TMEM63A: variants seen among roughly 807,000 people sequenced by gnomAD.
The protein encoded by TMEM63A is mechanosensitive cation channel TMEM63A.
A neutral mutation model predicts 100.6 loss-of-function variants in TMEM63A; 76 were observed. The observed-to-expected ratio is 0.76, with a 90% CI of 0.63 to 0.91. The LOEUF is 0.91. Ranked by LOEUF, TMEM63A falls within the 40% of genes least tolerant of loss-of-function variation. The pLI, the probability that TMEM63A is intolerant of heterozygous loss-of-function variation, is 0.00. For synonymous variants in TMEM63A, 401 were observed against 401.1 expected, an observed-to-expected ratio of 1.00 and a Z score of 0.00; for missense variants, 876 against 1,008.8, an observed-to-expected ratio of 0.87 and a Z score of 1.78.
intron 4 of TMEM63A, among the ~76,000 whole-genome samples, chr1:225,872,551 T>C (rs142092174): frequency 6.6e-6 from 1 of 152,094 alleles, no homozygotes; most frequent in African/African-American, 2.4e-5. Context: ...TCAAAACATA[T>C]GTTTTAGAGT....
intron 5 of TMEM63A, chr1:225,871,745 G>T: frequency 1.9e-6 from 1 of 519,368 alleles, no homozygotes; most frequent in South Asian, 2.9e-5. Flanking sequence ...AGAGAGAAGT[G>T]CTGGGGAAGC....
intron 8 of TMEM63A, 84 bp from the exon 9 acceptor site, chr1:225,866,766 T>TTCAGTGCCCACTGA: frequency 3.1e-6 from 4 of 1,272,616 alleles, no homozygotes; most frequent in Non-Finnish European, 4.5e-6. Context: ...TTACCCTCAG[T>TTCAGTGCCCACTGA]GGGCACTGAA....
At chr1:225,843,557 G>A (rs1668622233), downstream of TMEM63A, among the ~76,000 whole-genome samples, 1 of 152,184 alleles carries the variant, frequency 6.6e-6, no homozygotes, top group Non-Finnish European at 1.5e-5. Flanking sequence ...GGTCTGGCCT[G>A]CTCCTTGCAC....
chr1:225,876,727 C>T (rs1478098658), intron 3 of TMEM63A, among the ~76,000 whole-genome samples: 1 of 151,742 alleles, frequency 6.6e-6, no homozygotes, highest in African/African-American at 2.4e-5. Flanking sequence ...CGGCTCATTG[C>T]AACTCTGCCT....
chr1:225,880,595 GA>G, intron 1 of TMEM63A, among the ~76,000 whole-genome samples: 1 of 152,248 alleles, frequency 6.6e-6, no homozygotes, highest in South Asian at 2.1e-4. Context: ...GTGCCTTCCA[GA>G]AATTCTCCAT....
chr1:225,850,882 T>C (rs1040204101), intron 20 of TMEM63A, among the ~76,000 whole-genome samples: 3 of 152,148 alleles, frequency 2.0e-5, no homozygotes, highest in Non-Finnish European at 4.4e-5. Context: ...CGGCTAATTT[T>C]TTATATTTTT....
chr1:225,842,924 G>A (rs1668550853), downstream of TMEM63A, among the ~76,000 whole-genome samples: 1 of 152,230 alleles, frequency 6.6e-6, no homozygotes, highest in Non-Finnish European at 1.5e-5. Context: ...TCCTCTACAT[G>A]CCTGACTCCC....
chr1:225,852,576 G>T, intron 20 of TMEM63A, 88 bp downstream of exon 20: 1 of 1,279,636 alleles, frequency 7.8e-7, no homozygotes, highest in Non-Finnish European at 1.1e-6. Context: ...ACTCCATTGT[G>T]CCCTGGTGAT....
intron 6 of TMEM63A, among the ~76,000 whole-genome samples, chr1:225,870,140 G>C (rs1000702271): frequency 7.9e-5 from 12 of 151,820 alleles, no homozygotes; most frequent in Admixed American, 2.0e-4. Context: ...ACCTGAGGTC[G>C]GGAGTTGGAG....
chr1:225,857,379 C>CGGGGGGGGGGGGGGG (rs369068747), intron 15 of TMEM63A, among the ~76,000 whole-genome samples: 19 of 112,748 alleles, frequency 1.7e-4, no homozygotes, highest in African/African-American at 6.6e-4. Flanking sequence ...TCCTGGCCGG[C>CGGGGGGGGGGGGGGG]GGGGCGGGGG....
In TMEM63A at chr1:225,853,903, C is replaced by T. The variant is rs2102826263; in HGVS notation, c.1635-112G>A. On this transcript the variant is annotated intron_variant, in intron 18 of 24. Transcript: ENST00000366835. The surrounding 1 kb of genome is among the most constrained non-coding windows in gnomAD (Gnocchi z 4.0). ...CCCCTGGGAGGGCTGTATACTCTTCCGTTCATTCAGCACATATTTGGGAAA... is the reference window on the plus strand; with the variant it reads ...CCCCTGGGAGGGCTGTATACTCTTCTGTTCATTCAGCACATATTTGGGAAA... 3 of 1,057,020 alleles carry T rather than the reference C, an allele frequency of 2.8e-6. No homozygotes were observed. Among genetic ancestry groups the T allele is most frequent in the Middle Eastern group, 2.8e-4 (1 of 3,522 alleles). The allele number at this position is 1,057,020 out of a possible 1,614,324, so 65.5% of individuals were successfully genotyped here.
At chr1:225,842,273 G>A (rs536391383), downstream of TMEM63A, 132 of 960,218 alleles carry the variant, frequency 1.4e-4, no homozygotes, top group East Asian at 2.5e-3. Context: ...ACACAGCCCC[G>A]CCCTCTGCGG....
At chr1:225,872,777 C>T (rs1234256206) in intron 4 of TMEM63A, among the ~76,000 whole-genome samples, 4 of 146,778 alleles carry the variant, frequency 2.7e-5, no homozygotes, top group Non-Finnish European at 5.9e-5. Context: ...TCACTGCAAG[C>T]TCTGCCACCC....
intron 13 of TMEM63A, chr1:225,861,941 A>C: frequency 2.0e-6 from 1 of 508,642 alleles, no homozygotes. Context: ...GCAGCAGGGA[A>C]GAGCCCAGCA....
At chr1:225,842,415 G>A (rs769384514), downstream of TMEM63A, 5 of 1,614,200 alleles carry the variant, frequency 3.1e-6, no homozygotes, top group Non-Finnish European at 4.2e-6. Flanking sequence ...ATATTCTAGA[G>A]AAGTTTTCCA....
chr1:225,847,181 G>A lies in TMEM63A; in HGVS notation c.2283C>T (p.Ala761=). The A allele has an allele frequency of 6.2e-7, 1 of 1,613,350 alleles. No homozygotes were observed. Among genetic ancestry groups the A allele is most frequent in the Non-Finnish European group, 8.5e-7 (1 of 1,179,992 alleles). The change falls in exon 24 of 25, where the codon GCC becomes GCT. Residue 761 remains alanine (A), a synonymous_variant. Transcript: ENST00000366835. The part of the protein sequence containing the change: ...PYVPRILNGL[A]SERTALSPQQ... ...GCGGAGACAGTGCTGTCCTCTCCGA[G>A]GCCAAGCCGTTCAGAATCCGAGGCA... is the stretch of plus-strand genomic sequence containing the variant.
intron 4 of TMEM63A, 104 bp downstream of exon 4, chr1:225,874,184 C>A: frequency 8.7e-7 from 1 of 1,152,488 alleles, no homozygotes; most frequent in Non-Finnish European, 1.2e-6. Context: ...CACACACACA[C>A]TATACACACA....
chr1:225,866,268 G>A (rs570242011), intron 9 of TMEM63A: 2 of 520,742 alleles, frequency 3.8e-6, no homozygotes, highest in Admixed American at 6.4e-5. Context: ...GAGGACCCAG[G>A]CCTGGAACCA....
Position 225,862,478 on chromosome 1 carries a change from A to G in TMEM63A, c.928T>C (p.Cys310Arg), listed in dbSNP as rs773599409. The G allele has an allele frequency of 6.2e-7, 1 of 1,614,100 alleles. No individual in the cohort carries two copies. Among genetic ancestry groups the G allele is most frequent in the East Asian group, 2.2e-5 (1 of 44,858 alleles). Residue 310 changes from cysteine (C) to arginine (R), a missense_variant, in exon 12 of 25, where the codon TGT becomes CGT. By Grantham distance (180) the Cys-to-Arg change is radical. This residue lies in a region of TMEM63A where 487 missense variants were observed against 581.9 expected (regional missense o/e 0.84). Transcript: ENST00000366835. This position sits in a 1 kb window ranked among gnomAD's most constrained non-coding sequence, Gnocchi z 5.1. ...NPKPCGQFCCCEVLGCEWEDA... is the reference protein window; with the variant it reads ...NPKPCGQFCCREVLGCEWEDA... ...ACCCACTCACAGCCCAGCACTTCAC[A>G]GCAGCAAAACTGGCCACAGGGCTTG... is the stretch of plus-strand genomic sequence containing the variant.
Sources: gnomAD v4.1 joint callset for allele counts (sites outside exome capture counted in the v4.1 genomes callset) on GRCh38, gnomAD v4.1.1 for gene constraint, gnomAD v4.1.1 regional missense constraint, Gnocchi (gnomAD v3.1) non-coding constraint, MANE v1.5 for transcripts, NCBI Gene and HGNC (gene_info 2026-07-23, HGNC 2026-07-21) for gene names.